APLP2: variants seen among roughly 807,000 people sequenced by gnomAD.
The protein encoded by APLP2 is CDEI box-binding protein.
Under a neutral mutation model 89.9 loss-of-function variants are expected in APLP2, and 53 were observed. The ratio of observed to expected loss-of-function variants is 0.59; its 90% confidence interval spans 0.47 to 0.74. APLP2 has a LOEUF of 0.74. Ranked by LOEUF, APLP2 falls within the 30% of genes least tolerant of loss-of-function variation. The pLI is 0.00. For synonymous variants in APLP2, 372 were observed against 348.6 expected, an observed-to-expected ratio of 1.07 and a Z score of -0.75; for missense variants, 973 against 975.9, an observed-to-expected ratio of 1.00 and a Z score of 0.04.
rs748820711 is a variant in APLP2, at chr11:130,093,987, C to T, written c.106-15442C>T. On this transcript the variant is annotated intron_variant, in intron 1 of 16. Coordinates refer to ENST00000338167, the MANE Select transcript of APLP2 (RefSeq NM_001142276.2). The stretch of plus-strand genomic sequence containing the variant: ...ATCTTGATCTCCTGACCTCGTGATC[C>T]GCCTGCCTTGGCCTCTCAAAGTGCT... 2.1e-3 allele frequency among the ~76,000 whole-genome samples: 322 copies of T among 151,678 alleles called. 4 individuals carry two copies. Among genetic ancestry groups the T allele is most frequent in the Non-Finnish European group, 2.9e-3 (196 of 67,932 alleles).
At position 130,129,098 on chromosome 11, in the gene APLP2, G is replaced by A. The variant is rs1950660591; in HGVS notation, c.1347G>A (p.Lys449=). ...KALEKEAASE[K]QQLVETHLAR... Reference sequence around the variant, plus strand: ...TAGAGAAGGAAGCAGCCAGTGAGAAGCAGCAGCTGGTGGAGACCCACCTGG... The same window carrying A: ...TAGAGAAGGAAGCAGCCAGTGAGAAACAGCAGCTGGTGGAGACCCACCTGG... Residue 449 remains lysine (K), a synonymous_variant, in exon 10 of 17, where the codon AAG becomes AAA. Transcript: ENST00000338167. 1.9e-6 allele frequency: 3 copies of A among 1,614,240 alleles called. No individual in the cohort carries two copies. Among genetic ancestry groups the A allele is most frequent in the Non-Finnish European group, 2.5e-6 (3 of 1,180,036 alleles).
chr11:130,116,954 AC>A (rs1481441151), intron 3 of APLP2, among the ~76,000 whole-genome samples: 13 of 151,180 alleles, frequency 8.6e-5, no homozygotes, highest in Non-Finnish European at 1.6e-4. Context: ...ACACGGTGAA[AC>A]CCCGTCTCTA....
In APLP2 at chr11:130,141,594, C is replaced by T; in HGVS notation, c.1998+22C>T. On this transcript the variant is annotated intron_variant, in intron 15 of 16. Transcript: ENST00000338167. The surrounding 1 kb of genome is among the most constrained non-coding windows in gnomAD (Gnocchi z 4.2). The stretch of plus-strand genomic sequence containing the variant: ...GCGGGTACGTGTTTAGCTCCAGAAC[C>T]TAAGGTTTCCTGCCAATCTTAGGTA... 1 of 1,604,910 alleles carries T rather than the reference C, an allele frequency of 6.2e-7. No individual in the cohort carries two copies. The highest frequency in any genetic ancestry group is 1.3e-5 in the African/African-American group (1 of 74,712).
rs115641832 is a variant in APLP2 at position 130,123,876 on chromosome 11, G to A, written c.1090+97G>A. The A allele has an allele frequency of 4.6e-4, 625 of 1,352,118 alleles. 5 individuals carry two copies. In the African/African-American group the frequency reaches 8.5e-3, roughly 18 times the overall value. The allele number at this position is 1,352,118 out of a possible 1,614,324, so 83.8% of individuals were successfully genotyped here. A position where few individuals can be genotyped will look rare whatever the true frequency, so the allele number is the denominator to read the frequency against. On this transcript the variant is annotated intron_variant, in intron 7 of 16. Coordinates refer to ENST00000338167, the MANE Select transcript of APLP2 (RefSeq NM_001142276.2). The surrounding 1 kb of genome is among the most constrained non-coding windows in gnomAD (Gnocchi z 4.0). ...GTGGCTGCATCTGTGTGGTGTCCCT[G>A]CCCACTCGGGTGTTTGCTGTCGGTC...
chr11:130,097,048 T>TA (rs2135625562), intron 1 of APLP2, among the ~76,000 whole-genome samples: 1 of 152,342 alleles, frequency 6.6e-6, no homozygotes, highest in African/African-American at 2.4e-5. Flanking sequence ...AAGCTGGTAA[T>TA]ACAGTCTGAT....
At chr11:130,119,038 A>G (rs1949526434) in intron 3 of APLP2, among the ~76,000 whole-genome samples, 1 of 152,210 alleles carries the variant, frequency 6.6e-6, no homozygotes, top group Non-Finnish European at 1.5e-5. Context: ...GACTGACTTC[A>G]GTGCTTGCGC....
At chr11:130,104,254 G>C (rs1304338859) in intron 1 of APLP2, among the ~76,000 whole-genome samples, 1 of 109,074 alleles carries the variant, frequency 9.2e-6, no homozygotes, top group Non-Finnish European at 1.7e-5. Context: ...CTCTGTCTCT[G>C]TTGCCCAGTC....
intron 1 of APLP2, chr11:130,070,826 T>C: frequency 1.6e-6 from 2 of 1,212,190 alleles, no homozygotes; most frequent in Non-Finnish European, 2.1e-6. Context: ...GGAAAAATCG[T>C]CCTCTTCGGG....
intron 1 of APLP2, among the ~76,000 whole-genome samples, chr11:130,078,304 A>G (rs542824484): frequency 1.3e-5 from 2 of 151,950 alleles, no homozygotes; most frequent in Non-Finnish European, 2.9e-5. Flanking sequence ...GTTGCTGCAT[A>G]GTACTCCATT....
At chr11:130,132,576 T>A (rs1222628890) in intron 11 of APLP2, among the ~76,000 whole-genome samples, 2 of 151,424 alleles carry the variant, frequency 1.3e-5, no homozygotes, top group Non-Finnish European at 2.9e-5. Context: ...CCTGGAAAAC[T>A]GTAAAAATAG....
chr11:130,071,529 A>G (rs1194263824), intron 1 of APLP2, among the ~76,000 whole-genome samples: 1 of 152,258 alleles, frequency 6.6e-6, no homozygotes, highest in Non-Finnish European at 1.5e-5. Context: ...AGGCTTTCGT[A>G]TGGAAGATGG....
intron 13 of APLP2, among the ~76,000 whole-genome samples, chr11:130,138,207 G>A (rs1299013914): frequency 6.6e-6 from 1 of 152,226 alleles, no homozygotes; most frequent in East Asian, 1.9e-4. Context: ...CAGACTTCCT[G>A]TTGATGGGCC....
At chr11:130,083,253 G>C (rs759624041) in intron 1 of APLP2, among the ~76,000 whole-genome samples, 9 of 151,774 alleles carry the variant, frequency 5.9e-5, no homozygotes, top group Non-Finnish European at 1.3e-4. Context: ...GCCCAAGCTG[G>C]TCCTGAACTC....
At chr11:130,092,782 A>G (rs73583473) in intron 1 of APLP2, among the ~76,000 whole-genome samples, 14,992 of 151,416 alleles carry the variant, frequency 0.099, 1,158 homozygotes, top group African/African-American at 0.2. Context: ...CAGTTAACGT[A>G]TGAATAAACT....
chr11:130,091,452 C>A, intron 1 of APLP2, among the ~76,000 whole-genome samples: 1 of 127,774 alleles, frequency 7.8e-6, no homozygotes, highest in East Asian at 2.5e-4. Flanking sequence ...CGGGCAGAGG[C>A]GCCCCTCACC....
At chr11:130,115,777 T>G (rs1949089757) in intron 3 of APLP2, among the ~76,000 whole-genome samples, 1 of 152,214 alleles carries the variant, frequency 6.6e-6, no homozygotes, top group South Asian at 2.1e-4. Flanking sequence ...TAGGAGCTTC[T>G]GATGAAAAAT....
At chr11:130,095,045 T>G (rs1946008283) in intron 1 of APLP2, among the ~76,000 whole-genome samples, 1 of 152,216 alleles carries the variant, frequency 6.6e-6, no homozygotes, top group Non-Finnish European at 1.5e-5. Context: ...ATGCAGTTGC[T>G]TACTCTAATG....
At chr11:130,103,475 G>A (rs1393627802) in intron 1 of APLP2, among the ~76,000 whole-genome samples, 1 of 151,822 alleles carries the variant, frequency 6.6e-6, no homozygotes, top group African/African-American at 2.4e-5. Context: ...TTTAACCTCT[G>A]GTATTTTAAG....
At chr11:130,075,660 C>T (rs892431942) in intron 1 of APLP2, among the ~76,000 whole-genome samples, 1 of 152,072 alleles carries the variant, frequency 6.6e-6, no homozygotes, top group East Asian at 1.9e-4. Context: ...TCCATAAGTC[C>T]CTAACAGTCT....
Sources: gnomAD v4.1 joint callset for allele counts (sites outside exome capture counted in the v4.1 genomes callset) on GRCh38, gnomAD v4.1.1 for gene constraint, Gnocchi (gnomAD v3.1) non-coding constraint, MANE v1.5 for transcripts, NCBI Gene and HGNC (gene_info 2026-07-23, HGNC 2026-07-21) for gene names.